The following CFAP299 variants were observed in gnomAD, a reference collection of about 807,000 sequenced individuals.
CFAP299 encodes the protein cilia- and flagella-associated protein 299.
Under a neutral mutation model 27.0 loss-of-function variants are expected in CFAP299, and 21 were observed. The ratio of observed to expected loss-of-function variants is 0.78; its 90% CI spans 0.55 to 1.12. The LOEUF (loss-of-function observed/expected upper bound fraction) is 1.12, where lower values mean the gene tolerates loss of function less well. Among genes scored for constraint, CFAP299 ranks in the 50% most tolerant of loss-of-function variants. The pLI, the probability that CFAP299 is intolerant of heterozygous loss-of-function variation, is 0.00. For missense variants in CFAP299, 310 were observed against 276.6 expected (o/e 1.12, Z -0.86); for synonymous variants, 104 against 98.1 (o/e 1.06, Z -0.36).
At chr4:80,482,522 T>TA (rs963874447) in intron 2 of CFAP299, among the ~76,000 whole-genome samples, 15 of 151,954 alleles carry the variant, frequency 9.9e-5, no homozygotes, top group Non-Finnish European at 1.9e-4. Context: ...GTTACAGCAA[T>TA]AAAAAAACAA....
chr4:80,818,698 C>G (rs1307881713), intron 3 of CFAP299, among the ~76,000 whole-genome samples: 1 of 151,990 alleles, frequency 6.6e-6, no homozygotes, highest in African/African-American at 2.4e-5. Context: ...AAAAGTAGAT[C>G]AAAGAGAGCT....
chr4:80,426,596 G>T (rs564152975), intron 2 of CFAP299, among the ~76,000 whole-genome samples: 2 of 152,160 alleles, frequency 1.3e-5, no homozygotes, highest in Admixed American at 1.3e-4. Context: ...TTCTTGGGTC[G>T]TCCAGCCCTA....
chr4:80,580,715 G>GAGCAGTAGCAGACACTCAT (rs1736118562), intron 2 of CFAP299, among the ~76,000 whole-genome samples: 1 of 151,948 alleles, frequency 6.6e-6, no homozygotes, highest in Non-Finnish European at 1.5e-5. Context: ...ATGAGTGTCT[G>GAGCAGTAGCAGACACTCAT]AGCTACTGTT....
intron 3 of CFAP299, among the ~76,000 whole-genome samples, chr4:80,860,364 C>T (rs571869121): frequency 7.9e-5 from 12 of 152,200 alleles, no homozygotes; most frequent in Non-Finnish European, 1.8e-4. Flanking sequence ...GAATTTCCTC[C>T]TGTAGCTCGT....
chr4:80,512,266 C>T (rs1260634355), intron 2 of CFAP299, among the ~76,000 whole-genome samples: 5 of 151,044 alleles, frequency 3.3e-5, no homozygotes, highest in Non-Finnish European at 7.4e-5. Flanking sequence ...GTAGAAGAAA[C>T]AGTCACAACT....
At chr4:80,456,805 T>C (rs909270014) in intron 2 of CFAP299, among the ~76,000 whole-genome samples, 3 of 152,040 alleles carry the variant, frequency 2.0e-5, no homozygotes, top group Non-Finnish European at 4.4e-5. Flanking sequence ...ATGAATAAAA[T>C]AGAAAAGAGT....
chr4:80,722,871 A>G (rs908055861), intron 3 of CFAP299, among the ~76,000 whole-genome samples: 2 of 152,128 alleles, frequency 1.3e-5, no homozygotes, highest in East Asian at 3.9e-4. Context: ...ACTGCACTCC[A>G]GCCTGGGTGA....
chr4:80,342,264 A>C (rs1228379212), intron 1 of CFAP299, among the ~76,000 whole-genome samples: 1 of 152,248 alleles, frequency 6.6e-6, no homozygotes, highest in Non-Finnish European at 1.5e-5. Context: ...CATCCAGGAG[A>C]ACTTCCTGAG....
intron 3 of CFAP299, among the ~76,000 whole-genome samples, chr4:80,631,871 C>T (rs957649154): frequency 1.7e-5 from 2 of 120,690 alleles, no homozygotes; most frequent in African/African-American, 2.8e-5. Context: ...CCCACCCCCC[C>T]CCAACCAAAT....
intron 3 of CFAP299, among the ~76,000 whole-genome samples, chr4:80,769,666 T>C (rs1726098081): frequency 6.6e-6 from 1 of 152,180 alleles, no homozygotes; most frequent in Non-Finnish European, 1.5e-5. Flanking sequence ...AGTGCTGGGA[T>C]TATAGGCATG....
chr4:80,336,099 C>T (rs1255504370), intron 1 of CFAP299, among the ~76,000 whole-genome samples: 1 of 152,198 alleles, frequency 6.6e-6, no homozygotes, highest in Non-Finnish European at 1.5e-5. Flanking sequence ...CTAGAGTCAC[C>T]CAGCGCAGAA....
intron 3 of CFAP299, among the ~76,000 whole-genome samples, chr4:80,869,440 A>G (rs950736229): frequency 1.3e-5 from 2 of 152,226 alleles, no homozygotes; most frequent in African/African-American, 4.8e-5. Flanking sequence ...CTATCAGCAT[A>G]ATAACAACTA....
chr4:80,492,422 T>A (rs1731184582), intron 2 of CFAP299, among the ~76,000 whole-genome samples: 1 of 152,096 alleles, frequency 6.6e-6, no homozygotes, highest in South Asian at 2.1e-4. Flanking sequence ...TTTGTGAGAG[T>A]AAATAAACAT....
At chr4:80,353,350 G>A (rs1723104328) in intron 1 of CFAP299, among the ~76,000 whole-genome samples, 1 of 152,142 alleles carries the variant, frequency 6.6e-6, no homozygotes, top group South Asian at 2.1e-4. Context: ...GCCCAATCCT[G>A]CTTTCTTCAC....
chr4:80,782,184 A>G (rs1368432601), intron 3 of CFAP299, among the ~76,000 whole-genome samples: 1 of 152,012 alleles, frequency 6.6e-6, no homozygotes, highest in African/African-American at 2.4e-5. Context: ...CAGTCAAAGC[A>G]AAAGTGAGAC....
intron 1 of CFAP299, among the ~76,000 whole-genome samples, chr4:80,354,758 T>G (rs1244156000): frequency 6.6e-6 from 1 of 152,184 alleles, no homozygotes; most frequent in Non-Finnish European, 1.5e-5. Flanking sequence ...TACTTGTAAG[T>G]AATAACATGT....
At chr4:80,422,100 G>A (rs1275924142) in intron 2 of CFAP299, among the ~76,000 whole-genome samples, 1 of 152,048 alleles carries the variant, frequency 6.6e-6, no homozygotes, top group Non-Finnish European at 1.5e-5. Flanking sequence ...AGTGTGATTT[G>A]TTCCTTAAGT....
chr4:80,377,723 A>G (rs552787614), intron 2 of CFAP299, among the ~76,000 whole-genome samples: 4 of 152,244 alleles, frequency 2.6e-5, no homozygotes, highest in Admixed American at 2.6e-4. Context: ...CTTTTGATCT[A>G]TGAATGCTGT....
At chr4:80,944,970 C>G in intron 5 of CFAP299, 31 bp downstream of exon 5, 4 of 1,587,064 alleles carry the variant, frequency 2.5e-6, no homozygotes, top group Non-Finnish European at 3.5e-6. Flanking sequence ...AGTTAGTTAC[C>G]TCTTCACATG....
Sources: gnomAD v4.1 joint callset for allele counts (sites outside exome capture counted in the v4.1 genomes callset) on GRCh38, gnomAD v4.1.1 for gene constraint, MANE v1.5 for transcripts, NCBI Gene and HGNC (gene_info 2026-07-23, HGNC 2026-07-21) for gene names.